The following PDE1C variants were observed in gnomAD, a reference collection of about 807,000 sequenced individuals.
PDE1C encodes phosphodiesterase 1C, also known as dual specificity calcium/calmodulin-dependent 3',5'-cyclic nucleotide phosphodiesterase 1C.
Under a neutral mutation model 93.1 loss-of-function variants are expected in PDE1C, and 62 were observed. The ratio of observed to expected loss-of-function variants is 0.67; its 90% CI spans 0.54 to 0.82. The LOEUF (loss-of-function observed/expected upper bound fraction) is 0.82. Ranked by LOEUF, PDE1C falls within the 40% of genes least tolerant of loss-of-function variation. PDE1C has a pLI of 0.00. For synonymous variants in PDE1C, 325 were observed against 310.1 expected, an observed-to-expected ratio of 1.05 and a Z score of -0.50; for missense variants, 742 against 884.6, an observed-to-expected ratio of 0.84 and a Z score of 2.04.
At chr7:32,001,478 G>A (rs1022103713) in intron 2 of PDE1C, among the ~76,000 whole-genome samples, 1 of 152,112 alleles carries the variant, frequency 6.6e-6, no homozygotes, top group African/African-American at 2.4e-5. Flanking sequence ...GATCTTCCCT[G>A]TGAGGCTGTG....
At chr7:31,705,112 C>A in the PDE1C span, among the ~76,000 whole-genome samples, 1 of 152,120 alleles carries the variant, frequency 6.6e-6, no homozygotes, top group East Asian at 1.9e-4. Context: ...AAATTATCTC[C>A]TGTGCTCTTG....
At chr7:32,130,175 A>G (rs908067876) in intron 3 of PDE1C, among the ~76,000 whole-genome samples, 9 of 152,040 alleles carry the variant, frequency 5.9e-5, no homozygotes, top group Non-Finnish European at 1.2e-4. Context: ...GGCAGGACCA[A>G]CAGAAAAGTT....
chr7:31,677,098 T>C, the PDE1C span, among the ~76,000 whole-genome samples: 2 of 152,196 alleles, frequency 1.3e-5, no homozygotes, highest in East Asian at 3.8e-4. Context: ...GCAGTAAAAT[T>C]ATCCAAAGCA....
chr7:31,806,265 C>A (rs374093593), intron 16 of PDE1C, among the ~76,000 whole-genome samples: 1 of 151,900 alleles, frequency 6.6e-6, no homozygotes, highest in East Asian at 1.9e-4. Flanking sequence ...GTAAAGTTAA[C>A]GGCAAGTTTG....
intron 2 of PDE1C, among the ~76,000 whole-genome samples, chr7:32,177,730 G>A (rs1162876109): frequency 6.6e-6 from 1 of 152,194 alleles, no homozygotes; most frequent in Admixed American, 6.5e-5. Context: ...CCTCTGCCCA[G>A]TGACCAGCCC....
chr7:32,109,458 CACT>C (rs1228369682), intron 3 of PDE1C, among the ~76,000 whole-genome samples: 1 of 152,096 alleles, frequency 6.6e-6, no homozygotes, highest in African/African-American at 2.4e-5. Flanking sequence ...TCAGCCTCAG[CACT>C]ACTGATGTTT....
At chr7:32,199,135 A>T (rs1024893695) in intron 2 of PDE1C, among the ~76,000 whole-genome samples, 3 of 151,526 alleles carry the variant, frequency 2.0e-5, no homozygotes, top group African/African-American at 7.3e-5. Context: ...TAAAAATTTA[A>T]AAAAAAAAAC....
chr7:32,083,277 G>A (rs1000508824), intron 3 of PDE1C, among the ~76,000 whole-genome samples: 1 of 150,870 alleles, frequency 6.6e-6, no homozygotes, highest in Admixed American at 6.6e-5. Flanking sequence ...TGAATGAAAT[G>A]AAGTGAGAAG....
intron 1 of PDE1C, among the ~76,000 whole-genome samples, chr7:32,306,895 C>A (rs1200716637): frequency 6.6e-6 from 1 of 152,136 alleles, no homozygotes; most frequent in Non-Finnish European, 1.5e-5. Context: ...CCTGTGAGCA[C>A]CTGGGGCTTA....
At chr7:32,001,296 T>C (rs1370051636) in intron 2 of PDE1C, among the ~76,000 whole-genome samples, 1 of 152,240 alleles carries the variant, frequency 6.6e-6, no homozygotes, top group Admixed American at 6.5e-5. Flanking sequence ...AAAGCTGTTT[T>C]TTAAGTGAGT....
Position 31,930,369 on chromosome 7 carries a change from A to T in PDE1C, c.129-49509T>A, listed in dbSNP as rs566374205. 9.0e-3 allele frequency among the ~76,000 whole-genome samples: 1,365 copies of T among 152,312 alleles called. 21 individuals carry two copies. The highest frequency in any genetic ancestry group is 0.031 in the African/African-American group (1,279 of 41,558). ...GTATTATTCCTTCTGAAACTATTCC[A>T]AACAATAGAAAAAGAGGGACTCCTC... On this transcript the variant is annotated intron_variant, in intron 2 of 17. Transcript: ENST00000396191.
chr7:31,707,546 G>A, the PDE1C span: 2 of 407,446 alleles, frequency 4.9e-6, no homozygotes, highest in Non-Finnish European at 8.7e-6. Context: ...TAAATGAGGA[G>A]GTAACAGGGA....
chr7:32,320,617 A>G (rs1783270310), intron 1 of PDE1C, among the ~76,000 whole-genome samples: 1 of 129,960 alleles, frequency 7.7e-6, no homozygotes, highest in Middle Eastern at 4.1e-3. Flanking sequence ...GCTTAGGCAC[A>G]CACATACACA....
At chr7:31,696,873 C>T in the PDE1C span, 2 of 1,400,392 alleles carry the variant, frequency 1.4e-6, no homozygotes, top group Admixed American at 4.4e-5. Context: ...TATTGACTGT[C>T]TTCACCAGAT....
intron 2 of PDE1C, among the ~76,000 whole-genome samples, chr7:31,954,485 T>C (rs558109689): frequency 6.6e-6 from 1 of 152,348 alleles, no homozygotes; most frequent in African/African-American, 2.4e-5. Context: ...TTTCATGGTT[T>C]CCTTTCCATT....
intron 17 of PDE1C, among the ~76,000 whole-genome samples, chr7:31,763,321 G>T (rs186029316): frequency 6.6e-6 from 1 of 152,056 alleles, no homozygotes; most frequent in African/African-American, 2.4e-5. Flanking sequence ...CTCTTACCAT[G>T]GGCATTAGAT....
In PDE1C at chr7:32,424,734, C is replaced by G. The variant is rs141208086; in HGVS notation, c.310+3088G>C. ...GGCTGAAATAGGAGGATCGCTTGAGCCTGGGAGGTAGAGTTTGCAGTGAGC... is the reference window on the plus strand; with the variant it reads ...GGCTGAAATAGGAGGATCGCTTGAGGCTGGGAGGTAGAGTTTGCAGTGAGC... On this transcript the variant is annotated intron_variant, in intron 1 of 1. Transcript: ENST00000672256. 1.2e-3 allele frequency among the ~76,000 whole-genome samples: 178 copies of G among 152,224 alleles called. 1 individual carries two copies. The highest frequency in any genetic ancestry group is 4.0e-3 in the African/African-American group (167 of 41,518).
At chr7:32,142,480 A>G (rs1187727805) in intron 3 of PDE1C, among the ~76,000 whole-genome samples, 1 of 152,172 alleles carries the variant, frequency 6.6e-6, no homozygotes, top group Non-Finnish European at 1.5e-5. Flanking sequence ...GACTGGCCAG[A>G]CACTCACCAA....
chr7:31,723,982 C>G, the PDE1C span, among the ~76,000 whole-genome samples: 1 of 152,138 alleles, frequency 6.6e-6, no homozygotes, highest in East Asian at 1.9e-4. Context: ...TCTATATCAT[C>G]TCAGGGTCAG....
Sources: gnomAD v4.1 joint callset for allele counts (sites outside exome capture counted in the v4.1 genomes callset) on GRCh38, gnomAD v4.1.1 for gene constraint, MANE v1.5 for transcripts, NCBI Gene and HGNC (gene_info 2026-07-23, HGNC 2026-07-21) for gene names.